GABRA3: variants seen among roughly 807,000 people sequenced by gnomAD.
GABRA3 encodes the protein gamma-aminobutyric acid receptor subunit alpha-3.
GABRA3 carries 10 observed loss-of-function variants against 30.1 expected under a neutral mutation model. The observed-to-expected ratio is 0.33, with a 90% CI of 0.20 to 0.56. The LOEUF is 0.56. GABRA3 is among the 20% of genes least tolerant of loss of function. The probability of loss-of-function intolerance (pLI) is 0.89; values close to 1 mark genes in which losing one functional copy is unlikely to be tolerated. For synonymous variants in GABRA3, 151 were observed against 146.8 expected (o/e 1.03, Z -0.21); for missense variants, 233 against 392.0 (o/e 0.59, Z 3.42).
intron 5 of GABRA3, among the ~76,000 whole-genome samples, chrX:152,231,741 T>C (rs2124388509): frequency 1.8e-5 from 2 of 111,600 alleles, no homozygotes; most frequent in East Asian, 2.8e-4. Context: ...TTATTCACAA[T>C]AGATAAAAGG....
intron 6 of GABRA3, among the ~76,000 whole-genome samples, chrX:152,221,332 CTCTCTCTCTCTCGT>C (rs1220934396): frequency 9.0e-6 from 1 of 110,605 alleles, no homozygotes; most frequent in Non-Finnish European, 1.9e-5. Flanking sequence ...CTCTCTCTGT[CTCTCTCTCTCTCGT>C]TCTCTCTCTC....
At chrX:152,374,133 C>T (rs1023940292) in intron 1 of GABRA3, among the ~76,000 whole-genome samples, 24 of 110,083 alleles carry the variant, frequency 2.2e-4, no homozygotes, top group Non-Finnish European at 4.0e-4. Context: ...ATGTCCTTTG[C>T]CCACTTTTTA....
intron 4 of GABRA3, among the ~76,000 whole-genome samples, chrX:152,266,716 C>T (rs1938831217): frequency 9.0e-6 from 1 of 110,739 alleles, no homozygotes; most frequent in South Asian, 3.8e-4. Context: ...AATCTCCCTT[C>T]CTCTTACCAT....
chrX:152,399,686 T>C (rs1929746078), intron 1 of GABRA3, among the ~76,000 whole-genome samples: 1 of 111,927 alleles, frequency 8.9e-6, no homozygotes, highest in Non-Finnish European at 1.9e-5. Flanking sequence ...ATTTGCATAT[T>C]AGAGAGAGCT....
chrX:152,180,651 T>G (rs1016846240), intron 9 of GABRA3, among the ~76,000 whole-genome samples: 5 of 112,048 alleles, frequency 4.5e-5, no homozygotes, highest in Non-Finnish European at 7.5e-5. Flanking sequence ...ATGTTTCATT[T>G]TAGTAGTTTT....
chrX:152,208,730 G>A (rs1039716103), intron 6 of GABRA3, among the ~76,000 whole-genome samples: 1 of 111,200 alleles, frequency 9.0e-6, no homozygotes. Flanking sequence ...GCCTTGCACC[G>A]CCTTCTCTCT....
intron 1 of GABRA3, among the ~76,000 whole-genome samples, chrX:152,397,871 AGGT>A (rs1929701892): frequency 9.0e-6 from 1 of 111,356 alleles, no homozygotes; most frequent in South Asian, 3.8e-4. Context: ...ATCTATCCCA[AGGT>A]GAAGCATGTA....
intron 1 of GABRA3, among the ~76,000 whole-genome samples, chrX:152,437,421 G>A (rs1930802967): frequency 3.6e-5 from 4 of 111,717 alleles, no homozygotes; most frequent in African/African-American, 1.3e-4. Context: ...AGTATTGTTG[G>A]ATAGGAAGAT....
intron 3 of GABRA3, among the ~76,000 whole-genome samples, chrX:152,288,943 T>G (rs900873358): frequency 9.0e-5 from 10 of 110,837 alleles, no homozygotes; most frequent in African/African-American, 3.3e-4. Flanking sequence ...TTTTGCAAAT[T>G]TACTGCAGTA....
chrX:152,431,632 A>C (rs1458221230), intron 1 of GABRA3, among the ~76,000 whole-genome samples: 3 of 112,265 alleles, frequency 2.7e-5, no homozygotes, highest in African/African-American at 9.7e-5. Flanking sequence ...GATGCTAATT[A>C]GTTAACCTTA....
At chrX:152,446,553 C>A (rs1931092020) in intron 1 of GABRA3, among the ~76,000 whole-genome samples, 1 of 107,740 alleles carries the variant, frequency 9.3e-6, no homozygotes, top group African/African-American at 3.4e-5. Flanking sequence ...TCTCCCATAT[C>A]CTAAAAAAAA....
intron 6 of GABRA3, among the ~76,000 whole-genome samples, chrX:152,223,445 G>T (rs1190902927): frequency 4.5e-5 from 5 of 110,717 alleles, no homozygotes; most frequent in Non-Finnish European, 7.6e-5. Context: ...TATTCTAATT[G>T]TTCTTCATTT....
intron 9 of GABRA3, among the ~76,000 whole-genome samples, chrX:152,170,715 C>G: frequency 8.9e-6 from 1 of 111,934 alleles, no homozygotes; most frequent in Non-Finnish European, 1.9e-5. Flanking sequence ...AAACAGGCAG[C>G]AGCAAGACCT....
intron 2 of GABRA3, among the ~76,000 whole-genome samples, chrX:152,353,789 C>T (rs911812439): frequency 9.0e-6 from 1 of 111,031 alleles, no homozygotes; most frequent in African/African-American, 3.3e-5. Context: ...ACAGTCATCA[C>T]CCTAAGCAAG....
chrX:152,231,258 T>TGTATATATACAC (rs767194288), intron 5 of GABRA3, among the ~76,000 whole-genome samples: 2,086 of 104,346 alleles, frequency 0.02, 36 homozygotes, highest in Middle Eastern at 0.032. Context: ...TACACGTATA[T>TGTATATATACAC]GTATATATAC....
chrX:152,352,254 G>C (rs1046539605), intron 2 of GABRA3, among the ~76,000 whole-genome samples: 2 of 111,464 alleles, frequency 1.8e-5, no homozygotes, highest in Non-Finnish European at 3.8e-5. Flanking sequence ...GTCAAATGAG[G>C]TATGCCTGTA....
At chrX:152,186,203 ATTGT>A (rs1366555675) in intron 9 of GABRA3, among the ~76,000 whole-genome samples, 53 of 106,994 alleles carry the variant, frequency 5.0e-4, no homozygotes, top group African/African-American at 1.8e-3. Context: ...AATTTATTTA[ATTGT>A]TTATTTATTT....
chrX:152,429,359 G>A (rs1039073637), intron 1 of GABRA3, among the ~76,000 whole-genome samples: 7 of 103,282 alleles, frequency 6.8e-5, no homozygotes, highest in Admixed American at 5.2e-4. Context: ...CACTTCAGCC[G>A]CCCTTCTGCA....
At chrX:152,201,030 T>C (rs989993439) in intron 7 of GABRA3, among the ~76,000 whole-genome samples, 1 of 112,297 alleles carries the variant, frequency 8.9e-6, no homozygotes, top group Non-Finnish European at 1.9e-5. Context: ...CAGTGTGAAA[T>C]TGTCAAAGGG....
Sources: gnomAD v4.1 joint callset for allele counts (sites outside exome capture counted in the v4.1 genomes callset) on GRCh38, gnomAD v4.1.1 for gene constraint, MANE v1.5 for transcripts, NCBI Gene and HGNC (gene_info 2026-07-23, HGNC 2026-07-21) for gene names.